Variants in FGF12 observed in about 807,000 individuals in gnomAD.
FGF12 encodes fibroblast growth factor 12, also known as fibroblast growth factor 12B.
Under a neutral mutation model 23.6 loss-of-function variants are expected in FGF12, and 14 were observed. The ratio of observed to expected loss-of-function variants is 0.59; its 90% CI spans 0.39 to 0.93. The LOEUF is 0.93. FGF12 is among the 40% of genes least tolerant of loss of function. The pLI, the probability that FGF12 is intolerant of heterozygous loss-of-function variation, is 0.00. For missense variants in FGF12, 175 were observed against 217.8 expected (o/e 0.80, Z 1.24); for synonymous variants, 62 against 77.3 (o/e 0.80, Z 1.04).
intron 4 of FGF12, among the ~76,000 whole-genome samples, chr3:192,277,855 C>T (rs1251727060): frequency 2.6e-5 from 4 of 152,152 alleles, no homozygotes; most frequent in Admixed American, 1.3e-4. Context: ...CTTCACCTCC[C>T]GGGTTCAAGC....
intron 2 of FGF12, among the ~76,000 whole-genome samples, chr3:192,554,374 G>A (rs1334874550): frequency 2.0e-5 from 3 of 152,122 alleles, no homozygotes; most frequent in African/African-American, 7.2e-5. Context: ...GAGCAAAAGA[G>A]AGCTAGGCAC....
intron 2 of FGF12, among the ~76,000 whole-genome samples, chr3:192,718,710 AAGTAGCACTTTTTTCCTCT>A (rs1438561224): frequency 1.3e-5 from 2 of 152,196 alleles, no homozygotes; most frequent in African/African-American, 4.8e-5. Flanking sequence ...AACTTTAGCC[AAGTAGCACTTTTTTCCTCT>A]TAGTGCTTTC....
intron 2 of FGF12, among the ~76,000 whole-genome samples, chr3:192,701,207 T>C (rs1004502504): frequency 1.3e-5 from 2 of 152,224 alleles, no homozygotes; most frequent in Non-Finnish European, 2.9e-5. Context: ...CAATTGTCAA[T>C]CAGAAAATCT....
rs144693237 is a variant in FGF12 at position 192,671,506 on chromosome 3, T to C, written c.13+55675A>G. Among the ~76,000 whole-genome samples the C allele has an allele frequency of 6.2e-3, 949 of 152,268 alleles. 9 individuals carry two copies. Among genetic ancestry groups the C allele is most frequent in the African/African-American group, 0.021 (874 of 41,540 alleles). On this transcript the variant is annotated intron_variant, in intron 2 of 5. Coordinates refer to ENST00000445105, the MANE Select transcript of FGF12 (RefSeq NM_004113.6). ...AGCAGTCAAAAGTTAACCCAACGTT[T>C]GGTAGACGCATGGGACTAATAGGCA...
intron 3 of FGF12, among the ~76,000 whole-genome samples, chr3:192,359,445 A>G (rs1718621128): frequency 6.6e-6 from 1 of 152,152 alleles, no homozygotes; most frequent in Non-Finnish European, 1.5e-5. Flanking sequence ...CAGAATCACA[A>G]CTTGTTGGGA....
chr3:192,272,638 G>C (rs557526836), intron 4 of FGF12, among the ~76,000 whole-genome samples: 1 of 152,204 alleles, frequency 6.6e-6, no homozygotes, highest in African/African-American at 2.4e-5. Flanking sequence ...AACTGCAAAG[G>C]GATGAGGCAG....
At chr3:192,651,955 A>G (rs2108676677) in intron 2 of FGF12, among the ~76,000 whole-genome samples, 1 of 152,256 alleles carries the variant, frequency 6.6e-6, no homozygotes, top group Middle Eastern at 3.4e-3. Flanking sequence ...CAGTCATATT[A>G]TTCATGCAGA....
chr3:192,442,390 C>T (rs1489197188), intron 2 of FGF12, among the ~76,000 whole-genome samples: 1 of 152,154 alleles, frequency 6.6e-6, no homozygotes, highest in Non-Finnish European at 1.5e-5. Flanking sequence ...TGAATAAATG[C>T]ATGAGACAAT....
intron 4 of FGF12, among the ~76,000 whole-genome samples, chr3:192,289,728 T>C (rs941867221): frequency 1.1e-4 from 17 of 152,190 alleles, no homozygotes; most frequent in African/African-American, 3.9e-4. Flanking sequence ...TCTAAGTTTG[T>C]AGTTAATATT....
Position 192,429,289 on chromosome 3 carries a change from T to C in FGF12, c.14-68751A>G, listed in dbSNP as rs146822531. On this transcript the variant is annotated intron_variant, in intron 2 of 5. Transcript: ENST00000445105. ...CTGGCACCACTTAAAGACTGGCTTGTGAAGGATCACTCAAAGAACAGGCCA... is the reference window on the plus strand; with the variant it reads ...CTGGCACCACTTAAAGACTGGCTTGCGAAGGATCACTCAAAGAACAGGCCA... 6.5e-3 allele frequency among the ~76,000 whole-genome samples: 996 copies of C among 152,196 alleles called. 11 individuals are homozygous for C. Among genetic ancestry groups the C allele is most frequent in the African/African-American group, 0.021 (889 of 41,530 alleles).
intron 5 of FGF12, among the ~76,000 whole-genome samples, chr3:192,170,229 G>A (rs556746998): frequency 3.5e-5 from 5 of 143,866 alleles, no homozygotes; most frequent in South Asian, 4.6e-4. Context: ...GCAGTGAGCC[G>A]AGACTGAGCC....
intron 2 of FGF12, among the ~76,000 whole-genome samples, chr3:192,427,301 A>G (rs1467503254): frequency 6.6e-6 from 1 of 152,038 alleles, no homozygotes; most frequent in Non-Finnish European, 1.5e-5. Context: ...GAATCGCTTG[A>G]ACCCAGGAGG....
At chr3:192,634,613 G>C (rs1715512204) in intron 2 of FGF12, among the ~76,000 whole-genome samples, 1 of 152,114 alleles carries the variant, frequency 6.6e-6, no homozygotes, top group Non-Finnish European at 1.5e-5. Context: ...ACATCTGAGA[G>C]AGGAAGCCCC....
chr3:192,715,911 G>A (rs1165503840), intron 2 of FGF12, among the ~76,000 whole-genome samples: 1 of 152,242 alleles, frequency 6.6e-6, no homozygotes, highest in Non-Finnish European at 1.5e-5. Flanking sequence ...TGTGGTTGTG[G>A]ATAATGCTGG....
intron 2 of FGF12, among the ~76,000 whole-genome samples, chr3:192,450,025 A>T (rs1722472806): frequency 6.6e-6 from 1 of 152,186 alleles, no homozygotes; most frequent in African/African-American, 2.4e-5. Context: ...TTTTCAAATT[A>T]CTGTGAGGTT....
intron 2 of FGF12, chr3:192,515,615 G>C (rs1364550266): frequency 2.0e-5 from 3 of 152,454 alleles, no homozygotes; most frequent in African/African-American, 4.8e-5. Flanking sequence ...TGCCTTTCAG[G>C]CTCCTAGAAA....
chr3:192,556,914 A>C (rs547630629), intron 2 of FGF12, among the ~76,000 whole-genome samples: 2 of 152,258 alleles, frequency 1.3e-5, no homozygotes, highest in Admixed American at 1.3e-4. Context: ...AAATTCACAA[A>C]TATGTGGAAA....
intron 4 of FGF12, among the ~76,000 whole-genome samples, chr3:192,190,063 A>G (rs1033056071): frequency 6.6e-6 from 1 of 152,238 alleles, no homozygotes; most frequent in Non-Finnish European, 1.5e-5. Flanking sequence ...TATGGCACAT[A>G]GTTTATGAGA....
intron 2 of FGF12, among the ~76,000 whole-genome samples, chr3:192,597,355 C>A (rs1182560315): frequency 3.3e-5 from 5 of 152,174 alleles, no homozygotes; most frequent in Admixed American, 3.3e-4. Flanking sequence ...AATACTAATA[C>A]AGTTTTCCAT....
Sources: allele counts gnomAD v4.1 joint callset (sites outside exome capture counted in the v4.1 genomes callset), GRCh38; gene constraint gnomAD v4.1.1; transcripts MANE v1.5; gene names NCBI Gene and HGNC (gene_info 2026-07-23, HGNC 2026-07-21).